SPDYE14: variants seen among roughly 807,000 people sequenced by gnomAD.
SPDYE14 encodes speedy protein E14.
chr7:75,241,669 TAAA>T, the SPDYE14 span, among the ~76,000 whole-genome samples: 40 of 22,666 alleles, frequency 1.8e-3, 2 homozygotes, highest in East Asian at 8.5e-3. Context: ...TGGGTCTTGG[TAAA>T]AAAAAAAAAT....
chr7:75,255,116 CTCTT>C, the SPDYE14 span, among the ~76,000 whole-genome samples: 594 of 21,194 alleles, frequency 0.028, 101 homozygotes, highest in African/African-American at 0.059. Context: ...TTCTTTCTTT[CTCTT>C]TCTTTCTTTC....
the SPDYE14 span, among the ~76,000 whole-genome samples, chr7:75,246,676 A>C: frequency 3.2e-5 from 1 of 30,898 alleles, no homozygotes; most frequent in Non-Finnish European, 6.2e-5. Context: ...AGCAGAGTGA[A>C]GTCAGCACCC....
chr7:75,268,845 C>CAGAGAGAGAG, the SPDYE14 span, among the ~76,000 whole-genome samples: 1 of 9,612 alleles, frequency 1.0e-4, no homozygotes, highest in African/African-American at 3.3e-4. Context: ...GCACTCCAGC[C>CAGAGAGAGAG]AGAGAGAGAG....
chr7:75,279,757 T>G, the SPDYE14 span, among the ~76,000 whole-genome samples: 3 of 57,824 alleles, frequency 5.2e-5, 1 homozygote, highest in Non-Finnish European at 1.3e-4. Context: ...TAATTTTTTG[T>G]ATTTTTACTA....
At chr7:75,244,108 TTG>T in the SPDYE14 span, among the ~76,000 whole-genome samples, 2 of 51,966 alleles carry the variant, frequency 3.8e-5, 1 homozygote, top group Non-Finnish European at 9.1e-5. Flanking sequence ...TGCTTTTTTT[TTG>T]TGTGTGAGAT....
chr7:75,273,851 T>C, the SPDYE14 span, among the ~76,000 whole-genome samples: 2 of 31,558 alleles, frequency 6.3e-5, 1 homozygote, highest in African/African-American at 1.4e-4. Context: ...TCATTTTATC[T>C]ATTTGTTTGA....
chr7:75,241,683 AT>A, the SPDYE14 span, among the ~76,000 whole-genome samples: 2 of 23,806 alleles, frequency 8.4e-5, no homozygotes, highest in East Asian at 3.4e-3. Context: ...AAAAAAAAAT[AT>A]ATATATATAT....
At chr7:75,249,574 C>CTTCT in the SPDYE14 span, among the ~76,000 whole-genome samples, 9 of 111,600 alleles carry the variant, frequency 8.1e-5, no homozygotes, top group Non-Finnish European at 9.4e-5. Context: ...TTCTTCCTTC[C>CTTCT]TTCTTTCCTT....
At chr7:75,251,464 A>G in the SPDYE14 span, among the ~76,000 whole-genome samples, 5 of 63,322 alleles carry the variant, frequency 7.9e-5, 1 homozygote, top group African/African-American at 3.0e-4. Context: ...ACTAAGACCC[A>G]TAACTGATGC....
the SPDYE14 span, among the ~76,000 whole-genome samples, chr7:75,276,831 C>A: frequency 7.9e-6 from 1 of 127,046 alleles, no homozygotes; most frequent in Non-Finnish European, 1.7e-5. Context: ...AAGCTTGAAA[C>A]CAGCCTGGGC....
chr7:75,256,838 AAG>A, the SPDYE14 span, among the ~76,000 whole-genome samples: 53 of 11,542 alleles, frequency 4.6e-3, 8 homozygotes, highest in South Asian at 6.0e-3. Flanking sequence ...AAAAAAAAAA[AAG>A]ACCGGGTGCG....
chr7:75,241,678 AAAAT>A, the SPDYE14 span, among the ~76,000 whole-genome samples: 2 of 21,222 alleles, frequency 9.4e-5, no homozygotes, highest in African/African-American at 2.2e-4. Flanking sequence ...GTAAAAAAAA[AAAAT>A]ATATATATAT....
chr7:75,249,587 T>C, the SPDYE14 span, among the ~76,000 whole-genome samples: 1 of 34,336 alleles, frequency 2.9e-5, no homozygotes, highest in Non-Finnish European at 6.6e-5. Flanking sequence ...CTTTCCTTCC[T>C]TCCTTCCTTC....
At chr7:75,279,296 C>CT in the SPDYE14 span, among the ~76,000 whole-genome samples, 27,187 of 59,692 alleles carry the variant, frequency 0.46, 4,707 homozygotes, top group East Asian at 0.7. Context: ...TTTTCTTTTT[C>CT]TTTCTTTTGA....
chr7:75,241,680 A>AATATAT, the SPDYE14 span, among the ~76,000 whole-genome samples: 4 of 19,750 alleles, frequency 2.0e-4, no homozygotes, highest in African/African-American at 5.0e-4. Flanking sequence ...AAAAAAAAAA[A>AATATAT]ATATATATAT....
chr7:75,237,597 G>A, the SPDYE14 span: 44 of 46,824 alleles, frequency 9.4e-4, no homozygotes, highest in African/African-American at 2.2e-3. Context: ...AGGGGGAGCC[G>A]CGGGGCGAGG....
the SPDYE14 span, among the ~76,000 whole-genome samples, chr7:75,269,172 A>C: frequency 3.8e-5 from 1 of 26,388 alleles, no homozygotes; most frequent in African/African-American, 7.6e-5. Context: ...GCAAAACTCC[A>C]TCTAAAAAAA....
chr7:75,273,028 T>C, the SPDYE14 span, among the ~76,000 whole-genome samples: 1 of 59,748 alleles, frequency 1.7e-5, no homozygotes, highest in African/African-American at 4.0e-5. Context: ...CCCTCCGTGC[T>C]GTTTTCATGG....
chr7:75,247,522 AAG>A, the SPDYE14 span, among the ~76,000 whole-genome samples: 2 of 116,944 alleles, frequency 1.7e-5, no homozygotes, highest in Non-Finnish European at 4.1e-5. Flanking sequence ...GAAAGAAAGA[AAG>A]AAGAAAGAAA....
Sources: gnomAD v4.1 joint callset for allele counts (sites outside exome capture counted in the v4.1 genomes callset) on GRCh38, gnomAD v4.1.1 for gene constraint, MANE v1.5 for transcripts, NCBI Gene and HGNC (gene_info 2026-07-23, HGNC 2026-07-21) for gene names.